Variants in HEATR5A observed in about 807,000 individuals in gnomAD.
The protein encoded by HEATR5A is HEAT repeat-containing protein 5A.
In HEATR5A, 178 loss-of-function variants were observed where a neutral mutation model predicts 218.8. That is an observed-to-expected ratio of 0.81 (90% CI 0.72 to 0.92). HEATR5A has a LOEUF of 0.92. Ranked by LOEUF, HEATR5A falls within the 40% of genes least tolerant of loss-of-function variation. HEATR5A has a pLI of 0.00. For missense variants in HEATR5A, 2,420 were observed against 2,418.9 expected, an observed-to-expected ratio of 1.00 and a Z score of -0.01; for synonymous variants, 864 against 871.6, an observed-to-expected ratio of 0.99 and a Z score of 0.15.
chr14:31,372,714 C>T (rs943908764), intron 12 of HEATR5A, among the ~76,000 whole-genome samples: 1 of 152,118 alleles, frequency 6.6e-6, no homozygotes, highest in Non-Finnish European at 1.5e-5. Context: ...GTAATCCCAG[C>T]TACTCAGGAG....
At position 31,371,828 on chromosome 14, in the gene HEATR5A, G is replaced by A. The variant is rs1595147824; in HGVS notation, c.1943C>T (p.Ala648Val). Residue 648 changes from alanine to valine, a missense_variant, in exon 13 of 36, where the codon GCT (alanine) becomes GTT (valine). Transcript: ENST00000543095. The part of the protein sequence containing the change: ...TQRLLPPLPC[A>V]VDLLTQLSSI... The stretch of plus-strand genomic sequence containing the variant: ...TGCTTACTGAGTTAGCAAATCCACA[G>A]CACAAGGAAGTGGTGGAAGAAGACG... The A allele has an allele frequency of 1.3e-6, 2 of 1,532,834 alleles. No individual in the cohort carries two copies. Among genetic ancestry groups the A allele is most frequent in the Admixed American group, 2.0e-5 (1 of 49,972 alleles). 95.0% of individuals were successfully genotyped at this position (1,532,834 alleles called of 1,614,324 possible). A position where few individuals can be genotyped will look rare whatever the true frequency, so the allele number is the denominator to read the frequency against.
chr14:31,398,609 C>T, intron 4 of HEATR5A, 64 bp downstream of exon 4: 1 of 826,206 alleles, frequency 1.2e-6, no homozygotes, highest in South Asian at 1.6e-5. Flanking sequence ...TTGATTTGCT[C>T]AGGAAAGCAT....
chr14:31,306,810 A>C lies in HEATR5A; in HGVS notation c.4888T>G (p.Leu1630Val). ...ILTRESPSIQ[L>V]ASLEVVRQII... The stretch of plus-strand genomic sequence containing the variant: ...TGCCTTACCACTTCAAGTGAAGCCA[A>C]CTGAATGGAAGGTGATTCTCTGGTT... Residue 1630 changes from leucine to valine, a missense_variant, in exon 31 of 36, where the codon TTG (leucine) becomes GTG (valine). By Grantham distance (32) the Leu-to-Val change is conservative. Transcript: ENST00000543095. The C allele has an allele frequency of 1.2e-6, 2 of 1,613,724 alleles. No homozygotes were observed. The highest frequency in any genetic ancestry group is 1.7e-6 in the Non-Finnish European group (2 of 1,179,712).
intron 34 of HEATR5A, 91 bp from the exon 35 acceptor site, chr14:31,294,195 A>G (rs1321211401): frequency 3.8e-6 from 3 of 786,884 alleles, no homozygotes; most frequent in Non-Finnish European, 6.0e-6. Context: ...TAGTGAAGGT[A>G]TTTAAATTTA....
intron 13 of HEATR5A, among the ~76,000 whole-genome samples, chr14:31,369,458 C>T (rs144869713): frequency 1.3e-5 from 2 of 151,712 alleles, no homozygotes; most frequent in South Asian, 2.1e-4. Flanking sequence ...ATGAAAAACA[C>T]AAAAATTAGC....
chr14:31,392,106 G>A (rs78688003), intron 6 of HEATR5A, among the ~76,000 whole-genome samples: 3,457 of 152,190 alleles, frequency 0.023, 120 homozygotes, highest in African/African-American at 0.079. Context: ...GAGTTTGTCT[G>A]GTATTTCCTC....
At chr14:31,349,735 C>A in intron 18 of HEATR5A, 54 bp downstream of exon 18, 1 of 1,210,896 alleles carries the variant, frequency 8.3e-7, no homozygotes. Flanking sequence ...AGCCAGAAAG[C>A]TATACCCAGT....
At chr14:31,409,420 C>G (rs2031198946) in intron 1 of HEATR5A, among the ~76,000 whole-genome samples, 1 of 152,000 alleles carries the variant, frequency 6.6e-6, no homozygotes, top group African/African-American at 2.4e-5. Context: ...TATTATCAGG[C>G]CAGGCGCAGT....
intron 14 of HEATR5A, among the ~76,000 whole-genome samples, chr14:31,362,628 A>C (rs540236375): frequency 7.3e-5 from 11 of 149,726 alleles, no homozygotes; most frequent in Admixed American, 4.7e-4. Flanking sequence ...AAAAAAAAAA[A>C]AAACTAGCTG....
rs2029934443 is a variant in HEATR5A, at chr14:31,380,450, C to A, written c.1708+17G>T. 5.3e-6 allele frequency: 8 copies of A among 1,513,674 alleles called. No homozygotes were observed. The highest frequency in any genetic ancestry group is 7.3e-6 in the Non-Finnish European group (8 of 1,099,640). The allele number at this position is 1,513,674 out of a possible 1,614,324, so 93.8% of individuals were successfully genotyped here. On this transcript the variant is annotated intron_variant, in intron 11 of 35. Transcript: ENST00000543095. ...ACAAAGTATTTCAAGGTATGTAAAC[C>A]TTCTACAGACTGTTACCTAATGTCA...
chr14:31,417,433 A>T (rs1595195599), intron 1 of HEATR5A, among the ~76,000 whole-genome samples: 1 of 152,138 alleles, frequency 6.6e-6, no homozygotes, highest in East Asian at 1.9e-4. Context: ...AAAACAAAAA[A>T]AATTAGCCGG....
At chr14:31,367,000 T>G (rs1901828551) in intron 13 of HEATR5A, among the ~76,000 whole-genome samples, 1 of 152,182 alleles carries the variant, frequency 6.6e-6, no homozygotes, top group South Asian at 2.1e-4. Context: ...TTAACCCTAT[T>G]TAGTTTCAAA....
At chr14:31,320,328 G>T in intron 25 of HEATR5A, 1 of 797,338 alleles carries the variant, frequency 1.3e-6, no homozygotes, top group Non-Finnish European at 2.2e-6. Context: ...TGCTGCTTGA[G>T]AGACAGCTTC....
intron 19 of HEATR5A, among the ~76,000 whole-genome samples, chr14:31,345,553 T>C (rs187965157): frequency 8.7e-4 from 133 of 152,336 alleles, no homozygotes; most frequent in African/African-American, 3.1e-3. Context: ...TTGTTTAATC[T>C]ATAGAAAGAA....
chr14:31,394,374 C>G (rs1201251054), intron 5 of HEATR5A, 148 bp from the exon 6 acceptor site: 2 of 478,954 alleles, frequency 4.2e-6, no homozygotes. Context: ...TAAATGGATA[C>G]TTATTAAAAG....
Position 31,294,093 on chromosome 14 carries a change from C to T in HEATR5A, c.5631G>A (p.Lys1877=), listed in dbSNP as rs567224513. 6.3e-7 allele frequency: 1 copy of T among 1,584,110 alleles called. No individual in the cohort carries two copies. Among genetic ancestry groups the T allele is most frequent in the Non-Finnish European group, 8.6e-7 (1 of 1,163,220 alleles). ...LEIKDPVVQI[K]TYQLLHSIFQ... is the part of the protein sequence containing the mutation. The stretch of plus-strand genomic sequence containing the variant: ...AGATGGAATGTAGGAGCTGGTAGGT[C>T]TTGATTTGTACCTAATAAGGTAAGA... The change falls in exon 35 of 36, where the codon AAG becomes AAA. Residue 1877 remains lysine (K), a synonymous_variant. Coordinates refer to ENST00000543095, the MANE Select transcript of HEATR5A (RefSeq NM_015473.4).
At chr14:31,408,533 A>G (rs974945891) in intron 1 of HEATR5A, among the ~76,000 whole-genome samples, 2 of 152,062 alleles carry the variant, frequency 1.3e-5, no homozygotes, top group African/African-American at 4.8e-5. Context: ...TTGAAGAACC[A>G]CTAAGCTATG....
Position 31,358,751 on chromosome 14 carries a change from T to C in HEATR5A, c.2297A>G (p.Glu766Gly). 1 of 1,613,852 alleles carries C rather than the reference T, an allele frequency of 6.2e-7. No individual in the cohort carries two copies. The highest frequency in any genetic ancestry group is 8.5e-7 in the Non-Finnish European group (1 of 1,179,862). ...CACTGAATCTCCCTCTACATCTTTC[T>C]CATAAATCGAATAAGGGTCATATTC... ...SLEYDPYSIY[E>G]KDVEGDSVPK... The change falls in exon 16 of 36, where the codon GAG becomes GGG. Residue 766 changes from glutamate to glycine, a missense_variant. Transcript: ENST00000543095.
intron 28 of HEATR5A, among the ~76,000 whole-genome samples, chr14:31,312,415 T>C (rs1478773588): frequency 1.5e-5 from 2 of 137,370 alleles, no homozygotes; most frequent in African/African-American, 2.8e-5. Flanking sequence ...GGGTGTGTCC[T>C]TTTTTTTTTT....
Sources: allele counts gnomAD v4.1 joint callset (sites outside exome capture counted in the v4.1 genomes callset), GRCh38; gene constraint gnomAD v4.1.1; transcripts MANE v1.5; gene names NCBI Gene and HGNC (gene_info 2026-07-23, HGNC 2026-07-21).